Variants in TNRC6B observed in about 807,000 individuals in gnomAD.
TNRC6B encodes trinucleotide repeat-containing gene 6B protein.
A neutral mutation model predicts 203.6 loss-of-function variants in TNRC6B; 52 were observed. That is an observed-to-expected ratio of 0.26 (90% CI 0.20 to 0.32). TNRC6B has a LOEUF of 0.32. Among genes scored for constraint, TNRC6B ranks in the 10% least tolerant of loss-of-function variants. The pLI, the probability that TNRC6B is intolerant of heterozygous loss-of-function variation, is 1.00. For missense variants in TNRC6B, 1,923 were observed against 2,286.2 expected (o/e 0.84, Z 3.24); for synonymous variants, 838 against 845.7 (o/e 0.99, Z 0.16).
chr22:40,292,046 T>A (rs2070875180), intron 12 of TNRC6B, among the ~76,000 whole-genome samples: 1 of 152,102 alleles, frequency 6.6e-6, no homozygotes, highest in Admixed American at 6.5e-5. Flanking sequence ...TACAAAAACT[T>A]AACTGGGTGT....
At chr22:40,148,684 C>T (rs531179954) in intron 3 of TNRC6B, among the ~76,000 whole-genome samples, 1 of 70,920 alleles carries the variant, frequency 1.4e-5, no homozygotes, top group East Asian at 2.5e-4. Flanking sequence ...ACTCCCAGAA[C>T]CTTAGAATGT....
rs2146387052 is a variant in TNRC6B, at chr22:40,186,111, C to T, written c.5+7971C>T. 1.3e-5 allele frequency among the ~76,000 whole-genome samples: 2 copies of T among 152,086 alleles called. 1 individual carries two copies. The highest frequency in any genetic ancestry group is 6.8e-3 in the Middle Eastern group (2 of 294). ...AAGGTAAGGGAGAGGATGAGGTCAC[C>T]ATGGGACTGTAAAGAATAGAAAAAA... On this transcript the variant is annotated intron_variant, in intron 1 of 22. Transcript: ENST00000454349.
At chr22:40,071,393 A>C (rs1349632055) in intron 1 of TNRC6B, among the ~76,000 whole-genome samples, 1 of 152,228 alleles carries the variant, frequency 6.6e-6, no homozygotes. Context: ...TGTAATATCT[A>C]TCCTATCTCA....
chr22:40,067,690 C>G (rs1168180693), intron 1 of TNRC6B, among the ~76,000 whole-genome samples: 1 of 152,106 alleles, frequency 6.6e-6, no homozygotes, highest in East Asian at 1.9e-4. Context: ...TTCTGATGTT[C>G]AAGAGCAGGA....
In TNRC6B at chr22:40,325,932, A is replaced by G. The variant is rs1037972872; in HGVS notation, c.*2691A>G. 6.6e-6 allele frequency: 1 copy of G among 152,614 alleles called. No individual in the cohort carries two copies. Among genetic ancestry groups the G allele is most frequent in the African/African-American group, 2.4e-5 (1 of 41,434 alleles). 9.5% of individuals were successfully genotyped at this position (152,614 alleles called of 1,614,324 possible). ...GGGTGCTAGAGCCCCTCTTGTTTAC[A>G]AGACATAATGAGGGATTTGAAATAT... On this transcript the variant is annotated 3_prime_UTR_variant, in exon 23 of 23. Transcript: ENST00000454349.
intron 1 of TNRC6B, among the ~76,000 whole-genome samples, chr22:40,211,779 T>G (rs1381253280): frequency 2.0e-5 from 3 of 152,142 alleles, no homozygotes; most frequent in Admixed American, 6.5e-5. Flanking sequence ...AACAAAACTG[T>G]TAGGGAGATA....
At chr22:40,272,035 A>G (rs1375406839) in intron 6 of TNRC6B, among the ~76,000 whole-genome samples, 1 of 152,188 alleles carries the variant, frequency 6.6e-6, no homozygotes, top group African/African-American at 2.4e-5. Flanking sequence ...TCATTTTTCT[A>G]AAGGGGTCAG....
chr22:40,096,205 C>T (rs766311835), intron 1 of TNRC6B, among the ~76,000 whole-genome samples: 1 of 152,166 alleles, frequency 6.6e-6, no homozygotes. Context: ...AAATCTTTAG[C>T]CACAGGGAAC....
At chr22:40,227,870 C>T (rs941550868) in intron 1 of TNRC6B, among the ~76,000 whole-genome samples, 1 of 152,202 alleles carries the variant, frequency 6.6e-6, no homozygotes, top group African/African-American at 2.4e-5. Flanking sequence ...TATAAGTTCT[C>T]AGTTTTTCTC....
chr22:40,086,740 C>T (rs937236080), intron 1 of TNRC6B, among the ~76,000 whole-genome samples: 2 of 151,994 alleles, frequency 1.3e-5, no homozygotes, highest in East Asian at 3.8e-4. Context: ...GGAGTGTTTT[C>T]GTTTGTCGTT....
intron 1 of TNRC6B, among the ~76,000 whole-genome samples, chr22:40,047,209 T>G (rs941341682): frequency 6.6e-6 from 1 of 152,036 alleles, no homozygotes; most frequent in Non-Finnish European, 1.5e-5. Flanking sequence ...TCATTTTGCC[T>G]CCTCCTTGAA....
intron 1 of TNRC6B, among the ~76,000 whole-genome samples, chr22:40,085,618 G>A (rs1316888151): frequency 6.6e-6 from 1 of 152,156 alleles, no homozygotes; most frequent in Non-Finnish European, 1.5e-5. Context: ...TATATCCAGA[G>A]GAGGCTTGAT....
At chr22:40,045,463 G>A (rs969150350) in intron 1 of TNRC6B, 2 of 152,160 alleles carry the variant, frequency 1.3e-5, no homozygotes, top group African/African-American at 4.8e-5. Flanking sequence ...CTCGGCGCGG[G>A]GACACCTTCC....
rs144360827 is a variant in TNRC6B, at chr22:40,203,379, G to A, written c.5+25239G>A. On this transcript the variant is annotated intron_variant, in intron 1 of 22. Coordinates refer to ENST00000454349, the MANE Select transcript of TNRC6B (RefSeq NM_001162501.2). ...TTCATGTCCTGCCATTTGCCCTTCC[G>A]TAACAAAAGTCACCTTCATGAGAGT... Among the ~76,000 whole-genome samples the A allele has an allele frequency of 2.1e-3, 318 of 152,084 alleles. 1 individual carries two copies. Among genetic ancestry groups the A allele is most frequent in the African/African-American group, 7.5e-3 (310 of 41,492 alleles).
At chr22:40,132,969 A>ATATAC (rs1555884686) in intron 3 of TNRC6B, among the ~76,000 whole-genome samples, 1 of 78,174 alleles carries the variant, frequency 1.3e-5, no homozygotes, top group African/African-American at 4.0e-5. Context: ...AAAAAAAAAA[A>ATATAC]ATATATATAT....
chr22:40,317,879 A>G lies in TNRC6B; in HGVS notation c.4974+1867A>G, dbSNP rs187124013. ...GTCTGTTATGCCTCCTGTTTTTGAC[A>G]TACAAAATGCATTCTCTGGCATTTA... On this transcript the variant is annotated intron_variant, in intron 21 of 22. Transcript: ENST00000454349. Among the ~76,000 whole-genome samples the G allele has an allele frequency of 9.9e-4, 151 of 152,348 alleles. 6 individuals carry two copies. The highest frequency in any genetic ancestry group is 8.5e-3 in the Admixed American group (130 of 15,304).
rs149252305 is a variant in TNRC6B at position 40,192,478 on chromosome 22, A to G, written c.5+14338A>G. On this transcript the variant is annotated intron_variant, in intron 1 of 22. Transcript: ENST00000454349. ...CTAAAAATACAAAAATTAGCCAAGC[A>G]TGGTAGTGCACACCTGTAGTCCCAG... 5.6e-3 allele frequency among the ~76,000 whole-genome samples: 857 copies of G among 152,272 alleles called. 8 individuals are homozygous for G. Among genetic ancestry groups the G allele is most frequent in the African/African-American group, 0.018 (757 of 41,556 alleles).
rs1436644358 is a variant in TNRC6B at position 40,324,210 on chromosome 22, C to T, written c.*969C>T. ...GGGTTTCTCTGGCTGTTCTTTTGAC[C>T]TAGCAGTAGAGTGGAGCACTGCCAA... On this transcript the variant is annotated 3_prime_UTR_variant, in exon 23 of 23. Coordinates refer to ENST00000454349, the MANE Select transcript of TNRC6B (RefSeq NM_001162501.2). The T allele has an allele frequency of 6.6e-6, 1 of 152,336 alleles. No homozygotes were observed. The highest frequency in any genetic ancestry group is 6.6e-5 in the Admixed American group (1 of 15,264). The allele number at this position is 152,336 out of a possible 1,614,324, so 9.4% of individuals were successfully genotyped here.
chr22:40,215,351 G>T (rs2069621510), intron 1 of TNRC6B, among the ~76,000 whole-genome samples: 1 of 152,160 alleles, frequency 6.6e-6, no homozygotes. Flanking sequence ...CTCTGTGTGT[G>T]CTTTTAAAGC....
Sources: gnomAD v4.1 joint callset for allele counts (sites outside exome capture counted in the v4.1 genomes callset) on GRCh38, gnomAD v4.1.1 for gene constraint, MANE v1.5 for transcripts, NCBI Gene and HGNC (gene_info 2026-07-23, HGNC 2026-07-21) for gene names.